The following GATAD2B variants were observed in gnomAD, a reference collection of about 807,000 sequenced individuals.
GATAD2B encodes the protein GATA zinc finger domain containing 2B, also known as transcriptional repressor p66-beta.
In GATAD2B, 8 loss-of-function variants were observed where a neutral mutation model predicts 64.3. The observed-to-expected ratio is 0.12, with a 90% CI of 0.07 to 0.22. GATAD2B has a LOEUF of 0.22. Among genes scored for constraint, GATAD2B ranks in the 10% least tolerant of loss-of-function variants. The pLI, the probability that GATAD2B is intolerant of heterozygous loss-of-function variation, is 1.00. For synonymous variants in GATAD2B, 281 were observed against 271.3 expected, an observed-to-expected ratio of 1.04 and a Z score of -0.35; for missense variants, 453 against 752.0, an observed-to-expected ratio of 0.60 and a Z score of 4.65.
chr1:153,811,199 C>A (rs769247348), intron 10 of GATAD2B, among the ~76,000 whole-genome samples: 2 of 152,200 alleles, frequency 1.3e-5, no homozygotes, highest in Non-Finnish European at 2.9e-5. Context: ...CCGCGCCCTG[C>A]ACAGCAACTT....
chr1:153,895,136 C>T (rs1677547011), intron 1 of GATAD2B, among the ~76,000 whole-genome samples: 1 of 151,980 alleles, frequency 6.6e-6, no homozygotes, highest in African/African-American at 2.4e-5. Context: ...CCAGCCTGGG[C>T]AACAAGAGCG....
At position 153,812,036 on chromosome 1, in the gene GATAD2B, G is replaced by T; in HGVS notation, c.1516C>A (p.His506Asn). 1 of 1,601,780 alleles carries T rather than the reference G, an allele frequency of 6.2e-7. No individual in the cohort carries two copies. The highest frequency in any genetic ancestry group is 8.6e-7 in the Non-Finnish European group (1 of 1,169,278). The change falls in exon 9 of 11, where the codon CAT becomes AAT. Residue 506 changes from histidine to asparagine, a missense_variant. Transcript: ENST00000368655. ...AAGTTCCTTACCTGCCGAAGCGTATGATGTCTCATGATGGTCTCTTGTTTA... is the reference window on the plus strand; with the variant it reads ...AAGTTCCTTACCTGCCGAAGCGTATTATGTCTCATGATGGTCTCTTGTTTA... Reference protein sequence around the residue: ...VSKQETIMRHHTLRQAPQPQS... With the variant: ...VSKQETIMRHNTLRQAPQPQS...
intron 1 of GATAD2B, among the ~76,000 whole-genome samples, chr1:153,855,805 T>C (rs564556934): frequency 1.3e-5 from 2 of 152,002 alleles, no homozygotes; most frequent in Non-Finnish European, 2.9e-5. Context: ...CCTCTGGGAC[T>C]GGGAGTAGCT....
At chr1:153,810,353 G>A (rs1365297466) in intron 10 of GATAD2B, 43 bp from the exon 11 acceptor site, 2 of 1,599,928 alleles carry the variant, frequency 1.3e-6, no homozygotes, top group African/African-American at 1.3e-5. Flanking sequence ...ATTAAAAGAG[G>A]AAATAACATT....
chr1:153,875,240 G>GA (rs1230581260), intron 1 of GATAD2B, among the ~76,000 whole-genome samples: 2 of 151,792 alleles, frequency 1.3e-5, no homozygotes, highest in African/African-American at 2.4e-5. Flanking sequence ...ACTTTTCTAG[G>GA]AAAAAAAGAC....
Position 153,810,669 on chromosome 1 carries a change from T to C in GATAD2B, c.1649-359A>G, listed in dbSNP as rs1476607454. Among the ~76,000 whole-genome samples the C allele has an allele frequency of 7.2e-5, 11 of 152,284 alleles. No homozygotes were observed. The East Asian group carries it at 1.3e-3, about 19-fold the overall frequency. ...TGGGGTTTCACCATGTTGGCCAGGC[T>C]AGTCTTGAACTCCTGACCTCAAATG... On this transcript the variant is annotated intron_variant, in intron 10 of 10. Coordinates refer to ENST00000368655, the MANE Select transcript of GATAD2B (RefSeq NM_020699.4).
intron 1 of GATAD2B, among the ~76,000 whole-genome samples, chr1:153,830,533 T>TGG (rs1448279914): frequency 2.8e-5 from 4 of 144,304 alleles, no homozygotes; most frequent in African/African-American, 1.0e-4. Flanking sequence ...TGGAGTGCAG[T>TGG]GGCGGGATCT....
At chr1:153,817,567 A>T in intron 5 of GATAD2B, 25 bp from the exon 6 acceptor site, 6 of 1,556,202 alleles carry the variant, frequency 3.9e-6, no homozygotes, top group Non-Finnish European at 5.2e-6. Flanking sequence ...GAGGAAAAGA[A>T]CTAATCACAG....
chr1:153,904,008 C>T (rs568370343), intron 1 of GATAD2B, among the ~76,000 whole-genome samples: 4 of 151,246 alleles, frequency 2.6e-5, no homozygotes, highest in East Asian at 2.0e-4. Context: ...ATGCCAGGCC[C>T]GGTGGCTCAC....
chr1:153,898,306 CAA>C (rs11373311), intron 1 of GATAD2B, among the ~76,000 whole-genome samples: 8 of 80,766 alleles, frequency 9.9e-5, no homozygotes, highest in Non-Finnish European at 1.4e-4. Context: ...CAGCCTGTCT[CAA>C]AAAAAAAAAA....
chr1:153,896,366 G>C (rs970288843), intron 1 of GATAD2B, among the ~76,000 whole-genome samples: 2 of 151,740 alleles, frequency 1.3e-5, no homozygotes, highest in Admixed American at 6.6e-5. Flanking sequence ...TGAAACAAAA[G>C]GGAAAGTAGG....
At chr1:153,813,131 C>T (rs1365016581) in intron 8 of GATAD2B, 119 bp downstream of exon 8, 1 of 732,894 alleles carries the variant, frequency 1.4e-6, no homozygotes. Flanking sequence ...GATAAGGAGA[C>T]AAAAAGGGAA....
intron 10 of GATAD2B, 74 bp from the exon 11 acceptor site, chr1:153,810,384 G>T: frequency 6.7e-7 from 1 of 1,490,828 alleles, no homozygotes; most frequent in South Asian, 1.2e-5. Context: ...CTACCCTCGG[G>T]CTGCAGAGTT....
chr1:153,900,017 G>A (rs1677719906), intron 1 of GATAD2B, among the ~76,000 whole-genome samples: 1 of 152,150 alleles, frequency 6.6e-6, no homozygotes. Flanking sequence ...CTGTTCCTCA[G>A]AAGTGGACAG....
chr1:153,850,142 G>T (rs919380155), intron 1 of GATAD2B, among the ~76,000 whole-genome samples: 1 of 152,086 alleles, frequency 6.6e-6, no homozygotes, highest in South Asian at 2.1e-4. Flanking sequence ...TTAAACTGTG[G>T]ATCTGTTCCT....
intron 1 of GATAD2B, among the ~76,000 whole-genome samples, chr1:153,902,112 C>G (rs145536916): frequency 0.013 from 1,921 of 151,978 alleles, 40 homozygotes; most frequent in African/African-American, 0.044. Flanking sequence ...GAAACCCCAT[C>G]TCTACTAAAC....
chr1:153,899,300 GGTTCACACCTGTAATCCCA>G (rs751526042), intron 1 of GATAD2B, among the ~76,000 whole-genome samples: 8 of 152,038 alleles, frequency 5.3e-5, no homozygotes, highest in Non-Finnish European at 1.2e-4. Flanking sequence ...CAGGCACACT[GGTTCACACCTGTAATCCCA>G]GCACTTTGGG....
At position 153,839,108 on chromosome 1, in the gene GATAD2B, C is replaced by CAAAA. The variant is rs35262137; in HGVS notation, c.-1-10764_-1-10761dup. On this transcript the variant is annotated intron_variant, in intron 1 of 10. Transcript: ENST00000368655. ...TGGGTGACAGAACGAGACCCTGTCT[C>CAAAA]AAAAAAAAAAAAAAAAAAAAAAAAA... Among the ~76,000 whole-genome samples, 202 of 78,564 alleles carry CAAAA rather than the reference C, an allele frequency of 2.6e-3. 8 individuals carry two copies. The highest frequency in any genetic ancestry group is 0.011 in the African/African-American group (183 of 16,258). 51.5% of individuals were successfully genotyped at this position (78,564 alleles called of 152,430 possible). A position where few individuals can be genotyped will look rare whatever the true frequency, so the allele number is the denominator to read the frequency against.
chr1:153,918,725 G>C (rs186570865), intron 1 of GATAD2B, among the ~76,000 whole-genome samples: 3 of 152,212 alleles, frequency 2.0e-5, no homozygotes, highest in African/African-American at 7.2e-5. Context: ...GGCTGAGGTG[G>C]GCAGATCACC....
Sources: allele counts gnomAD v4.1 joint callset (sites outside exome capture counted in the v4.1 genomes callset), GRCh38; gene constraint gnomAD v4.1.1; transcripts MANE v1.5; gene names NCBI Gene and HGNC (gene_info 2026-07-23, HGNC 2026-07-21).